Variants in MAPRE2 observed in about 807,000 individuals in gnomAD.
The protein encoded by MAPRE2 is microtubule associated protein RP/EB family member 2.
A neutral mutation model predicts 43.2 loss-of-function variants in MAPRE2; 13 were observed. The ratio of observed to expected loss-of-function variants is 0.30; its 90% CI spans 0.20 to 0.48. The LOEUF is 0.48. MAPRE2 is among the 20% of genes least tolerant of loss of function. The probability of loss-of-function intolerance (pLI) is 0.99; values close to 1 mark genes in which losing one functional copy is unlikely to be tolerated. For synonymous variants in MAPRE2, 135 were observed against 148.8 expected, an observed-to-expected ratio of 0.91 and a Z score of 0.68; for missense variants, 161 against 400.2, an observed-to-expected ratio of 0.40 and a Z score of 5.10.
intron 2 of MAPRE2, among the ~76,000 whole-genome samples, chr18:35,088,503 A>T (rs533345711): frequency 6.6e-6 from 1 of 152,234 alleles, no homozygotes; most frequent in Non-Finnish European, 1.5e-5. Flanking sequence ...AACCACTGTG[A>T]TATTCTTAGC....
intron 4 of MAPRE2, among the ~76,000 whole-genome samples, chr18:35,108,249 G>A (rs956872627): frequency 3.3e-5 from 5 of 152,216 alleles, no homozygotes; most frequent in South Asian, 2.1e-4. Flanking sequence ...GTGTTAGTTC[G>A]CTGAGGAAGA....
intron 2 of MAPRE2, among the ~76,000 whole-genome samples, chr18:35,095,451 T>C (rs1164125626): frequency 6.6e-6 from 1 of 150,962 alleles, no homozygotes; most frequent in Non-Finnish European, 1.5e-5. Context: ...TATACCAGAA[T>C]ATTTCGAGTG....
chr18:35,043,359 C>T (rs1379108749), intron 1 of MAPRE2, among the ~76,000 whole-genome samples: 1 of 152,184 alleles, frequency 6.6e-6, no homozygotes, highest in Non-Finnish European at 1.5e-5. Context: ...GCTTTTAAGA[C>T]AGAATTCGAA....
chr18:34,977,040 C>T, exon 1 of MAPRE2: 1 of 168,746 alleles, frequency 5.9e-6, no homozygotes, highest in South Asian at 1.1e-4. Flanking sequence ...ACAAAGCCCC[C>T]AGCTGTCAGC....
Position 35,012,586 on chromosome 18 carries a change from C to T in MAPRE2, c.-8+7033C>T, listed in dbSNP as rs548472707. Among the ~76,000 whole-genome samples the T allele has an allele frequency of 3.3e-4, 50 of 152,330 alleles. 1 individual carries two copies. Among genetic ancestry groups the T allele is most frequent in the Middle Eastern group, 3.4e-3 (1 of 294 alleles). On this transcript the variant is annotated intron_variant, in intron 2 of 7. Transcript: ENST00000413393. ...CAACCATAGGTAGGAAATTCTGACT[C>T]ATGCTACAACATGGGTTAATCTTGA...
chr18:35,094,650 C>T (rs960379881), intron 2 of MAPRE2, among the ~76,000 whole-genome samples: 1 of 152,106 alleles, frequency 6.6e-6, no homozygotes, highest in Non-Finnish European at 1.5e-5. Context: ...AGTAGAAGAA[C>T]AATCTATAGG....
At chr18:35,085,774 C>T (rs137868552) in intron 2 of MAPRE2, among the ~76,000 whole-genome samples, 2 of 152,304 alleles carry the variant, frequency 1.3e-5, no homozygotes, top group East Asian at 3.9e-4. Context: ...GACCAGAGAT[C>T]AGTCCAACAC....
chr18:35,077,491 G>T (rs537304812), intron 2 of MAPRE2, among the ~76,000 whole-genome samples: 1 of 152,202 alleles, frequency 6.6e-6, no homozygotes, highest in Non-Finnish European at 1.5e-5. Context: ...TAGGTGGGTG[G>T]TTGTGAGCCT....
chr18:35,056,145 A>G (rs762519668), intron 1 of MAPRE2, among the ~76,000 whole-genome samples: 83 of 152,218 alleles, frequency 5.5e-4, no homozygotes, highest in Admixed American at 1.2e-3. Context: ...AAAAAATTGT[A>G]GATTTTTATT....
intron 1 of MAPRE2, among the ~76,000 whole-genome samples, chr18:34,998,729 C>G (rs2097027809): frequency 6.9e-6 from 1 of 145,974 alleles, no homozygotes; most frequent in Admixed American, 6.9e-5. Context: ...TCTGAAAGTG[C>G]TGGGATTACA....
At chr18:35,050,810 C>T (rs978722788) in intron 1 of MAPRE2, among the ~76,000 whole-genome samples, 2 of 152,094 alleles carry the variant, frequency 1.3e-5, no homozygotes, top group Non-Finnish European at 2.9e-5. Flanking sequence ...TGTGTGATGA[C>T]GGCCAGGAAA....
chr18:35,077,277 A>G (rs1207264739), intron 2 of MAPRE2, among the ~76,000 whole-genome samples: 1 of 142,146 alleles, frequency 7.0e-6, no homozygotes, highest in East Asian at 2.2e-4. Flanking sequence ...ACACATACAC[A>G]CACACACACA....
At chr18:35,130,761 G>A (rs1219985437) in intron 5 of MAPRE2, among the ~76,000 whole-genome samples, 2 of 152,174 alleles carry the variant, frequency 1.3e-5, no homozygotes, top group Non-Finnish European at 2.9e-5. Context: ...GACCAGGAAC[G>A]GGGTAATAGT....
At chr18:35,129,516 C>A (rs934045964) in intron 5 of MAPRE2, among the ~76,000 whole-genome samples, 4 of 152,324 alleles carry the variant, frequency 2.6e-5, no homozygotes, top group Non-Finnish European at 4.4e-5. Context: ...TATGCTAGAC[C>A]ATTCCCATGA....
chr18:35,023,321 G>A lies in MAPRE2; in HGVS notation c.-8+17768G>A, dbSNP rs1355479784. 6.6e-5 allele frequency among the ~76,000 whole-genome samples: 10 copies of A among 151,940 alleles called. 1 individual carries two copies. The South Asian group carries it at 1.2e-3, about 19-fold the overall frequency. On this transcript the variant is annotated intron_variant, in intron 2 of 7. Coordinates refer to the MAPRE2 transcript ENST00000413393. ...AGGTCAGGAGATCAAGACCATCCTGGTGAACACTGTGAAACCCCGTCTCTA... is the reference window on the plus strand; with the variant it reads ...AGGTCAGGAGATCAAGACCATCCTGATGAACACTGTGAAACCCCGTCTCTA...
chr18:35,074,589 C>T (rs1413844632), intron 2 of MAPRE2, among the ~76,000 whole-genome samples: 1 of 152,160 alleles, frequency 6.6e-6, no homozygotes, highest in Non-Finnish European at 1.5e-5. Flanking sequence ...TTCTTTGTGA[C>T]ATTAATTTTC....
chr18:34,985,389 T>TATA (rs377361198), intron 1 of MAPRE2, among the ~76,000 whole-genome samples: 1,020 of 14,018 alleles, frequency 0.073, 98 homozygotes, highest in African/African-American at 0.18. Context: ...ATTTTATATA[T>TATA]ATATAATATA....
At chr18:35,049,475 A>G (rs991865650) in intron 1 of MAPRE2, among the ~76,000 whole-genome samples, 1 of 152,162 alleles carries the variant, frequency 6.6e-6, no homozygotes, top group Non-Finnish European at 1.5e-5. Context: ...AGACTTACCG[A>G]GTTCCTTTAA....
At chr18:35,138,406 C>T (rs1910484050) in intron 6 of MAPRE2, among the ~76,000 whole-genome samples, 1 of 152,150 alleles carries the variant, frequency 6.6e-6, no homozygotes, top group Non-Finnish European at 1.5e-5. Flanking sequence ...GGAGAGCTCA[C>T]ATTTGCTGAA....
Sources: allele counts gnomAD v4.1 joint callset (sites outside exome capture counted in the v4.1 genomes callset), GRCh38; gene constraint gnomAD v4.1.1; transcripts MANE v1.5; gene names NCBI Gene and HGNC (gene_info 2026-07-23, HGNC 2026-07-21).